ZNF423: variants seen among roughly 807,000 people sequenced by gnomAD.
The protein encoded by ZNF423 is Ebf-associated zinc finger protein.
ZNF423 carries 12 observed loss-of-function variants against 95.8 expected under a neutral mutation model. That is an observed-to-expected ratio of 0.13 (90% CI 0.08 to 0.20). The LOEUF is 0.20. ZNF423 is among the 10% of genes least tolerant of loss of function. The pLI is 1.00. For synonymous variants in ZNF423, 749 were observed against 711.9 expected, an observed-to-expected ratio of 1.05 and a Z score of -0.83; for missense variants, 1,316 against 1,737.1, an observed-to-expected ratio of 0.76 and a Z score of 4.31.
At chr16:49,771,906 G>C (rs1345201341) in intron 2 of ZNF423, among the ~76,000 whole-genome samples, 1 of 152,278 alleles carries the variant, frequency 6.6e-6, no homozygotes, top group East Asian at 1.9e-4. Context: ...GCCTTAGCCA[G>C]GGTTCTCCCA....
upstream of ZNF423, among the ~76,000 whole-genome samples, chr16:49,856,717 A>C (rs1156406823): frequency 6.8e-6 from 1 of 146,594 alleles, no homozygotes; most frequent in Non-Finnish European, 1.5e-5. Context: ...GGCGGCCGGC[A>C]GGCGCGCCCG....
intron 3 of ZNF423, among the ~76,000 whole-genome samples, chr16:49,685,169 A>G (rs2031517042): frequency 6.6e-6 from 1 of 152,150 alleles, no homozygotes; most frequent in South Asian, 2.1e-4. Flanking sequence ...GCAGCCCCCA[A>G]AACTCAACAT....
At chr16:49,648,567 G>C (rs561583147) in intron 3 of ZNF423, among the ~76,000 whole-genome samples, 1 of 151,826 alleles carries the variant, frequency 6.6e-6, no homozygotes, top group Non-Finnish European at 1.5e-5. Flanking sequence ...CAGGAGAATC[G>C]CTTGAACCCA....
intron 3 of ZNF423, among the ~76,000 whole-genome samples, chr16:49,644,675 A>ACC (rs1567528878): frequency 7.2e-5 from 10 of 138,360 alleles, no homozygotes; most frequent in Non-Finnish European, 1.2e-4. Context: ...AAAAAAAAAA[A>ACC]AAAAAAAAAA....
rs1972755981 is a variant in ZNF423 at position 49,637,098 on chromosome 16, T to G, written c.2078A>C (p.Tyr693Ser). The change falls in exon 4 of 8, where the codon TAC (tyrosine) becomes TCC (serine). Residue 693 changes from tyrosine (Y) to serine (S), a missense_variant. By Grantham distance (144) the Tyr-to-Ser change is moderately radical. Transcript: ENST00000563137. This position sits in a 1 kb window ranked among gnomAD's most constrained non-coding sequence, Gnocchi z 5.6. ...ESLLQHLTVH[Y>S]MTTSTHYVCE... ...CACATAGTGGGTCGACGTGGTCATG[T>G]AATGCACTGTCAGGTGCTGCAGGAG... 6.2e-7 allele frequency: 1 copy of G among 1,613,584 alleles called. No homozygotes were observed. Among genetic ancestry groups the G allele is most frequent in the Non-Finnish European group, 8.5e-7 (1 of 1,180,028 alleles).
chr16:49,716,203 G>A (rs1349226979), intron 3 of ZNF423, among the ~76,000 whole-genome samples: 1 of 152,052 alleles, frequency 6.6e-6, no homozygotes, highest in Non-Finnish European at 1.5e-5. Flanking sequence ...TCTCCCTGCT[G>A]CCTGCCCCTC....
intron 5 of ZNF423, among the ~76,000 whole-genome samples, chr16:49,617,450 G>C (rs980633428): frequency 6.6e-6 from 1 of 152,320 alleles, no homozygotes; most frequent in Middle Eastern, 3.4e-3. Context: ...AACAAAGTCA[G>C]TTCAACAATC....
At chr16:49,717,287 C>T (rs2032736195) in intron 3 of ZNF423, among the ~76,000 whole-genome samples, 1 of 151,596 alleles carries the variant, frequency 6.6e-6, no homozygotes, top group Non-Finnish European at 1.5e-5. Flanking sequence ...TCAAGCCATA[C>T]CTTCACCATC....
At chr16:49,556,595 CT>C (rs1370842516) in intron 5 of ZNF423, among the ~76,000 whole-genome samples, 3 of 152,188 alleles carry the variant, frequency 2.0e-5, no homozygotes, top group African/African-American at 7.2e-5. Context: ...ACTCTGCAGC[CT>C]CCCCCTACCC....
rs149975444 is a variant in ZNF423 at position 49,631,227 on chromosome 16, A to C, written c.3516+4433T>G. Among the ~76,000 whole-genome samples the C allele has an allele frequency of 4.8e-3, 738 of 152,250 alleles. 8 individuals are homozygous for C. Among genetic ancestry groups the C allele is most frequent in the African/African-American group, 0.017 (718 of 41,528 alleles). On this transcript the variant is annotated intron_variant, in intron 4 of 7. Transcript: ENST00000563137. ...AGACATGCATGCAGCTTCTGACACA[A>C]GTATACACACAGACCCATCCCCACA... is the stretch of plus-strand genomic sequence containing the variant.
chr16:49,810,195 C>T (rs1181095571), intron 1 of ZNF423, among the ~76,000 whole-genome samples: 1 of 151,912 alleles, frequency 6.6e-6, no homozygotes, highest in Non-Finnish European at 1.5e-5. Context: ...GAACACGTTC[C>T]CAGACTCACA....
At chr16:49,712,049 G>A (rs903440035) in intron 3 of ZNF423, 4 of 152,234 alleles carry the variant, frequency 2.6e-5, no homozygotes, top group Non-Finnish European at 4.4e-5. Context: ...CTTGAGCCCA[G>A]GAGGCTGCAG....
chr16:49,842,012 G>A (rs756246354), intron 1 of ZNF423, among the ~76,000 whole-genome samples: 17 of 152,092 alleles, frequency 1.1e-4, no homozygotes, highest in South Asian at 2.1e-4. Context: ...CCATGCGGGC[G>A]GATCACCTGA....
Position 49,751,304 on chromosome 16 carries a change from C to T in ZNF423, c.101-20333G>A, listed in dbSNP as rs529641006. ...TGGTGCTATCACAGCTCACTGCAGC[C>T]TCCAACTCCTGGGCTCAAGTGATCC... On this transcript the variant is annotated intron_variant, in intron 2 of 7. Coordinates refer to ENST00000563137, the MANE Select transcript of ZNF423 (RefSeq NM_001379286.1). Among the ~76,000 whole-genome samples, 167 of 152,268 alleles carry T rather than the reference C, an allele frequency of 1.1e-3. 1 individual carries two copies. The highest frequency in any genetic ancestry group is 3.9e-3 in the African/African-American group (162 of 41,554).
intron 1 of ZNF423, among the ~76,000 whole-genome samples, chr16:49,846,692 G>A (rs1185944025): frequency 6.6e-6 from 1 of 152,142 alleles, no homozygotes; most frequent in Non-Finnish European, 1.5e-5. Context: ...CCACTTCAGG[G>A]CACCTGCTTC....
At chr16:49,799,719 CATG>C (rs375563451) in intron 1 of ZNF423, among the ~76,000 whole-genome samples, 5 of 152,134 alleles carry the variant, frequency 3.3e-5, no homozygotes, top group South Asian at 2.1e-4. Flanking sequence ...CTAATAAAAA[CATG>C]ATGATGATGA....
At chr16:49,715,563 A>C (rs2032680340) in intron 3 of ZNF423, among the ~76,000 whole-genome samples, 1 of 152,154 alleles carries the variant, frequency 6.6e-6, no homozygotes, top group African/African-American at 2.4e-5. Context: ...TAACTTACCA[A>C]GACCACATTT....
chr16:49,505,248 C>A (rs1319741132), intron 7 of ZNF423, among the ~76,000 whole-genome samples: 1 of 152,172 alleles, frequency 6.6e-6, no homozygotes, highest in African/African-American at 2.4e-5. Flanking sequence ...ACTGGAAAAT[C>A]TAGGTCACAC....
At chr16:49,563,524 C>A (rs761944279) in intron 5 of ZNF423, among the ~76,000 whole-genome samples, 85 of 152,364 alleles carry the variant, frequency 5.6e-4, no homozygotes, top group Non-Finnish European at 9.6e-4. Flanking sequence ...ATCTTCACAA[C>A]AACTCTCTGA....
Sources: gnomAD v4.1 joint callset for allele counts (sites outside exome capture counted in the v4.1 genomes callset) on GRCh38, gnomAD v4.1.1 for gene constraint, Gnocchi (gnomAD v3.1) non-coding constraint, MANE v1.5 for transcripts, NCBI Gene and HGNC (gene_info 2026-07-23, HGNC 2026-07-21) for gene names.